Variants in IGSF21 observed in about 807,000 individuals in gnomAD.
IGSF21 encodes immunoglobin superfamily member 21.
Under a neutral mutation model 46.8 loss-of-function variants are expected in IGSF21, and 28 were observed. That is an observed-to-expected ratio of 0.60 (90% confidence interval 0.44 to 0.82). The LOEUF is 0.82. Ranked by LOEUF, IGSF21 falls within the 40% of genes least tolerant of loss-of-function variation. IGSF21 has a pLI of 0.00. For synonymous variants in IGSF21, 284 were observed against 273.6 expected, an observed-to-expected ratio of 1.04 and a Z score of -0.38; for missense variants, 624 against 665.5, an observed-to-expected ratio of 0.94 and a Z score of 0.69.
intron 3 of IGSF21, among the ~76,000 whole-genome samples, chr1:18,296,445 G>A (rs535784781): frequency 2.0e-5 from 3 of 152,266 alleles, no homozygotes; most frequent in African/African-American, 7.2e-5. Context: ...GGGAGTCATG[G>A]GAAAGTGTGA....
intron 4 of IGSF21, among the ~76,000 whole-genome samples, chr1:18,339,735 A>C (rs1226420915): frequency 6.6e-6 from 1 of 152,204 alleles, no homozygotes; most frequent in African/African-American, 2.4e-5. Context: ...AAAATGAAAC[A>C]AAACCAAACC....
At chr1:18,312,079 C>T (rs1418208441) in intron 3 of IGSF21, among the ~76,000 whole-genome samples, 1 of 152,202 alleles carries the variant, frequency 6.6e-6, no homozygotes, top group African/African-American at 2.4e-5. Context: ...GCGTGTATCT[C>T]TGCCTAGGGG....
intron 4 of IGSF21, among the ~76,000 whole-genome samples, chr1:18,340,002 G>T (rs918781124): frequency 3.9e-5 from 6 of 152,146 alleles, no homozygotes; most frequent in African/African-American, 7.2e-5. Context: ...TGACATGGAC[G>T]GTCTAGTATT....
chr1:18,228,752 G>T (rs554665764), intron 2 of IGSF21, among the ~76,000 whole-genome samples: 2 of 152,288 alleles, frequency 1.3e-5, no homozygotes, highest in East Asian at 3.9e-4. Flanking sequence ...CCACCATCCT[G>T]GGGGAGAACT....
chr1:18,353,116 C>A (rs188895385), intron 4 of IGSF21, among the ~76,000 whole-genome samples: 194 of 152,012 alleles, frequency 1.3e-3, no homozygotes, highest in Non-Finnish European at 2.1e-3. Flanking sequence ...TCACTGATGG[C>A]GGCTCCATTT....
chr1:18,207,728 G>A (rs1332429256), intron 1 of IGSF21, among the ~76,000 whole-genome samples: 4 of 152,204 alleles, frequency 2.6e-5, no homozygotes, highest in Admixed American at 2.6e-4. Flanking sequence ...AGTGCTAAAG[G>A]ATGCAAAGGC....
intron 1 of IGSF21, among the ~76,000 whole-genome samples, chr1:18,221,786 GA>G (rs1199438219): frequency 1.3e-5 from 2 of 152,142 alleles, no homozygotes; most frequent in African/African-American, 4.8e-5. Flanking sequence ...CTGAAAGACA[GA>G]GCTCCGTCTT....
chr1:18,354,447 G>A (rs2085993524), intron 4 of IGSF21, among the ~76,000 whole-genome samples: 1 of 152,124 alleles, frequency 6.6e-6, no homozygotes, highest in Non-Finnish European at 1.5e-5. Context: ...GGAATATGGA[G>A]GGACATTTAT....
At chr1:18,256,949 A>T (rs1033365716) in intron 2 of IGSF21, among the ~76,000 whole-genome samples, 2 of 152,150 alleles carry the variant, frequency 1.3e-5, no homozygotes, top group Admixed American at 1.3e-4. Context: ...CATTCCAGGA[A>T]CTGGCTGACT....
At chr1:18,316,732 G>A (rs2085546658) in intron 3 of IGSF21, among the ~76,000 whole-genome samples, 1 of 152,188 alleles carries the variant, frequency 6.6e-6, no homozygotes, top group Non-Finnish European at 1.5e-5. Flanking sequence ...TTCCTCAACT[G>A]TAAAATGAGG....
At chr1:18,214,469 C>T (rs1052394444) in intron 1 of IGSF21, among the ~76,000 whole-genome samples, 6 of 152,110 alleles carry the variant, frequency 3.9e-5, no homozygotes, top group Non-Finnish European at 5.9e-5. Flanking sequence ...AGTATCCAGC[C>T]GCAGCAAAAG....
chr1:18,245,616 C>T (rs1204771276), intron 2 of IGSF21, among the ~76,000 whole-genome samples: 3 of 152,258 alleles, frequency 2.0e-5, no homozygotes, highest in African/African-American at 4.8e-5. Context: ...CATCCAGTCT[C>T]CCCAGCTGAT....
chr1:18,320,574 C>G (rs536150441), intron 3 of IGSF21, among the ~76,000 whole-genome samples: 71 of 152,226 alleles, frequency 4.7e-4, no homozygotes, highest in Non-Finnish European at 8.2e-4. Context: ...GGCCCCAGGC[C>G]TAACCACAGC....
chr1:18,110,991 T>G (rs2086138352), intron 1 of IGSF21: 1 of 152,228 alleles, frequency 6.6e-6, no homozygotes, highest in Non-Finnish European at 1.5e-5. Flanking sequence ...GGTTCTCGGG[T>G]TCTCGGGTTC....
At chr1:18,151,116 C>G (rs2086518390) in intron 1 of IGSF21, among the ~76,000 whole-genome samples, 1 of 152,216 alleles carries the variant, frequency 6.6e-6, no homozygotes, top group African/African-American at 2.4e-5. Context: ...AGGCTGTATC[C>G]TCTGTGTGGA....
chr1:18,173,636 G>T (rs552848172), intron 1 of IGSF21, among the ~76,000 whole-genome samples: 17 of 152,324 alleles, frequency 1.1e-4, no homozygotes, highest in African/African-American at 3.6e-4. Flanking sequence ...TAGCCATGTG[G>T]TTACACGGAC....
At chr1:18,129,648 C>T (rs1328857257) in intron 1 of IGSF21, among the ~76,000 whole-genome samples, 2 of 152,222 alleles carry the variant, frequency 1.3e-5, no homozygotes, top group African/African-American at 4.8e-5. Context: ...GCAGCCTCAG[C>T]AGGTGCAGTC....
At chr1:18,298,593 C>G (rs964056680) in intron 3 of IGSF21, among the ~76,000 whole-genome samples, 2 of 152,188 alleles carry the variant, frequency 1.3e-5, no homozygotes, top group Non-Finnish European at 2.9e-5. Flanking sequence ...CTGGGCTGCA[C>G]CTTTTGATGT....
At chr1:18,199,827 C>T (rs548171738) in intron 1 of IGSF21, among the ~76,000 whole-genome samples, 1 of 143,980 alleles carries the variant, frequency 6.9e-6, no homozygotes, top group South Asian at 2.1e-4. Flanking sequence ...GAGCTCAGAG[C>T]CCCTCCCCGC....
Sources: gnomAD v4.1 joint callset for allele counts (sites outside exome capture counted in the v4.1 genomes callset) on GRCh38, gnomAD v4.1.1 for gene constraint, MANE v1.5 for transcripts, NCBI Gene and HGNC (gene_info 2026-07-23, HGNC 2026-07-21) for gene names.